Variants in RANBP2 observed in about 807,000 individuals in gnomAD.
The protein encoded by RANBP2 is RAN binding protein 2.
Under a neutral mutation model 303.6 loss-of-function variants are expected in RANBP2, and 57 were observed. The ratio of observed to expected loss-of-function variants is 0.19; its 90% CI spans 0.15 to 0.23. The LOEUF (loss-of-function observed/expected upper bound fraction) is 0.23, where lower values mean the gene tolerates loss of function less well. Among genes scored for constraint, RANBP2 ranks in the 10% least tolerant of loss-of-function variants. RANBP2 has a pLI of 1.00. For missense variants in RANBP2, 3,138 were observed against 3,780.8 expected, an observed-to-expected ratio of 0.83 and a Z score of 4.46; for synonymous variants, 1,167 against 1,301.5, an observed-to-expected ratio of 0.90 and a Z score of 2.23.
At chr2:108,846,654 G>A in the RANBP2 span, 1 of 1,223,472 alleles carries the variant, frequency 8.2e-7, no homozygotes, top group Non-Finnish European at 1.2e-6. Context: ...TCCAACCTGG[G>A]CAACAGAGCA....
the RANBP2 span, among the ~76,000 whole-genome samples, chr2:109,599,208 A>C: frequency 2.1e-4 from 32 of 152,302 alleles, no homozygotes; most frequent in African/African-American, 7.5e-4. Flanking sequence ...CTGTAACCCC[A>C]GCACTCTGGG....
the RANBP2 span, chr2:108,910,348 C>T: frequency 1.2e-6 from 1 of 867,236 alleles, no homozygotes; most frequent in African/African-American, 1.6e-5. Flanking sequence ...CCGAACGTCC[C>T]CATAGTGTCC....
chr2:109,198,158 G>A, the RANBP2 span, among the ~76,000 whole-genome samples: 246 of 152,272 alleles, frequency 1.6e-3, 2 homozygotes, highest in African/African-American at 5.6e-3. Flanking sequence ...CCTGCCCAGT[G>A]CAGGGATGGC....
At chr2:109,187,659 G>T in the RANBP2 span, among the ~76,000 whole-genome samples, 6 of 152,182 alleles carry the variant, frequency 3.9e-5, no homozygotes, top group African/African-American at 1.4e-4. Flanking sequence ...AGTTATGCAT[G>T]TACACTCTGA....
the RANBP2 span, among the ~76,000 whole-genome samples, chr2:109,012,653 G>A: frequency 2.6e-3 from 394 of 152,264 alleles, 1 homozygote; most frequent in Non-Finnish European, 4.5e-3. Context: ...GGTGGCTCAC[G>A]CCTGTAATCC....
the RANBP2 span, among the ~76,000 whole-genome samples, chr2:109,477,057 C>T: frequency 3.9e-5 from 6 of 152,188 alleles, no homozygotes; most frequent in Non-Finnish European, 7.3e-5. Flanking sequence ...ACTTAGAATG[C>T]CTTAACTGTC....
chr2:109,242,109 TCGC>T, the RANBP2 span, among the ~76,000 whole-genome samples: 9,332 of 151,972 alleles, frequency 0.061, 441 homozygotes, highest in East Asian at 0.2. Flanking sequence ...GCTCCTCTGT[TCGC>T]CTCCTGTTTT....
chr2:109,187,822 T>C, the RANBP2 span, among the ~76,000 whole-genome samples: 1 of 152,220 alleles, frequency 6.6e-6, no homozygotes, highest in African/African-American at 2.4e-5. Flanking sequence ...CCTCTGCCAT[T>C]GTGACCAGGA....
chr2:109,525,903 T>C, the RANBP2 span, among the ~76,000 whole-genome samples: 1 of 152,204 alleles, frequency 6.6e-6, no homozygotes, highest in Middle Eastern at 3.4e-3. Flanking sequence ...GGAGGGTAAT[T>C]TTCTTTGTGC....
chr2:109,525,408 C>T, the RANBP2 span, among the ~76,000 whole-genome samples: 1 of 152,182 alleles, frequency 6.6e-6, no homozygotes, highest in African/African-American at 2.4e-5. Context: ...AAATGATCTG[C>T]CCACCTTGGC....
the RANBP2 span, among the ~76,000 whole-genome samples, chr2:108,946,557 T>G: frequency 6.6e-6 from 1 of 152,188 alleles, no homozygotes. Context: ...ACTGGGTAAC[T>G]TATAAAGAAA....
chr2:109,099,071 G>A, the RANBP2 span, among the ~76,000 whole-genome samples: 2 of 152,184 alleles, frequency 1.3e-5, no homozygotes, highest in East Asian at 1.9e-4. Flanking sequence ...TAATAAGCAG[G>A]CACTTTGAGA....
At chr2:109,521,565 T>G in the RANBP2 span, among the ~76,000 whole-genome samples, 5 of 152,188 alleles carry the variant, frequency 3.3e-5, no homozygotes, top group Non-Finnish European at 7.3e-5. Context: ...CAGTGCATGC[T>G]CGCGGTCCCG....
Position 108,730,795 on chromosome 2 carries a change from T to C in RANBP2, c.162T>C (p.Asn54=), listed in dbSNP as rs1434379665. 1 of 1,611,642 alleles carries C rather than the reference T, an allele frequency of 6.2e-7. No homozygotes were observed. Among genetic ancestry groups the C allele is most frequent in the Admixed American group, 1.7e-5 (1 of 60,008 alleles). Reference sequence around the variant, plus strand: ...ACAGATACATATGTACTTACATTAATGTGCAAGAGAGGGATCCCAAAGCTC... The same window carrying C: ...ACAGATACATATGTACTTACATTAACGTGCAAGAGAGGGATCCCAAAGCTC... The part of the protein sequence containing the change: ...LAKKYICTYI[N]VQERDPKAHR... The change falls in exon 3 of 29, where the codon AAT becomes AAC. Residue 54 remains asparagine, a synonymous_variant. Transcript: ENST00000283195.
the RANBP2 span, among the ~76,000 whole-genome samples, chr2:109,580,826 C>A: frequency 6.6e-6 from 1 of 152,224 alleles, no homozygotes; most frequent in South Asian, 2.1e-4. Context: ...CATGTCCCAG[C>A]TTCCTGACTG....
chr2:109,419,551 T>G, the RANBP2 span: 14 of 1,596,278 alleles, frequency 8.8e-6, no homozygotes, highest in Non-Finnish European at 1.2e-5. Flanking sequence ...TGTCTCCTCC[T>G]CGGCGGGATC....
At chr2:108,919,783 T>A in the RANBP2 span, among the ~76,000 whole-genome samples, 2 of 151,986 alleles carry the variant, frequency 1.3e-5, no homozygotes, top group Admixed American at 6.5e-5. Flanking sequence ...GTGGGGCACC[T>A]GCCCTCTCCC....
the RANBP2 span, among the ~76,000 whole-genome samples, chr2:109,453,267 C>T: frequency 6.6e-6 from 1 of 152,214 alleles, no homozygotes; most frequent in Non-Finnish European, 1.5e-5. Flanking sequence ...CATATTGCTC[C>T]CTGCAGGGGC....
chr2:109,192,185 G>A, the RANBP2 span, among the ~76,000 whole-genome samples: 4 of 152,204 alleles, frequency 2.6e-5, no homozygotes, highest in South Asian at 8.3e-4. Flanking sequence ...GCACTAACTC[G>A]TCCACTCCAC....
Sources: gnomAD v4.1 joint callset for allele counts (sites outside exome capture counted in the v4.1 genomes callset) on GRCh38, gnomAD v4.1.1 for gene constraint, MANE v1.5 for transcripts, NCBI Gene and HGNC (gene_info 2026-07-23, HGNC 2026-07-21) for gene names.